Variants in CAMK1D observed in about 807,000 individuals in gnomAD.
CAMK1D encodes calcium/calmodulin dependent protein kinase ID.
A neutral mutation model predicts 47.7 loss-of-function variants in CAMK1D; 9 were observed. The ratio of observed to expected loss-of-function variants is 0.19; its 90% CI spans 0.11 to 0.33. The LOEUF (loss-of-function observed/expected upper bound fraction) is 0.33, where lower values mean the gene tolerates loss of function less well. Among genes scored for constraint, CAMK1D ranks in the 10% least tolerant of loss-of-function variants. The pLI, the probability that CAMK1D is intolerant of heterozygous loss-of-function variation, is 1.00. For synonymous variants in CAMK1D, 184 were observed against 184.9 expected (o/e 0.99, Z 0.04); for missense variants, 291 against 488.7 (o/e 0.60, Z 3.81).
In CAMK1D at chr10:12,624,986, TC is replaced by T. The variant is rs1321886093; in HGVS notation, c.225-41748del. On this transcript the variant is annotated intron_variant, in intron 2 of 10. Transcript: ENST00000619168. ...TTCTCCTTCTCTTCCTCCTTCTCCT[TC>T]CTCCTCTTTCCTCCTCCTCCTCCTC... Among the ~76,000 whole-genome samples the T allele has an allele frequency of 8.9e-5, 11 of 123,466 alleles. No homozygotes were observed. The East Asian group carries it at 2.7e-3, about 30-fold the overall frequency. 81.0% of individuals were successfully genotyped at this position (123,466 alleles called of 152,430 possible).
chr10:12,745,423 A>G (rs956866550), intron 3 of CAMK1D, among the ~76,000 whole-genome samples: 1 of 152,002 alleles, frequency 6.6e-6, no homozygotes, highest in Admixed American at 6.5e-5. Flanking sequence ...ACACACACAC[A>G]CGCTAGAATA....
intron 8 of CAMK1D, among the ~76,000 whole-genome samples, chr10:12,819,168 G>C (rs954176047): frequency 6.6e-6 from 1 of 152,190 alleles, no homozygotes; most frequent in Admixed American, 6.5e-5. Flanking sequence ...CAGTTTTCCC[G>C]AGGAGGCTGG....
At chr10:12,514,484 T>G (rs912354930) in intron 1 of CAMK1D, among the ~76,000 whole-genome samples, 14 of 152,250 alleles carry the variant, frequency 9.2e-5, no homozygotes, top group Non-Finnish European at 1.9e-4. Flanking sequence ...CTAGTGAATT[T>G]AATTAGCAAG....
At chr10:12,362,530 C>T (rs941991931) in intron 1 of CAMK1D, among the ~76,000 whole-genome samples, 1 of 152,164 alleles carries the variant, frequency 6.6e-6, no homozygotes. Flanking sequence ...TGGAGTCTCG[C>T]CCCGTCCCCC....
intron 1 of CAMK1D, among the ~76,000 whole-genome samples, chr10:12,482,915 C>T (rs146990946): frequency 5.3e-5 from 8 of 152,256 alleles, no homozygotes; most frequent in African/African-American, 9.6e-5. Flanking sequence ...TGGTTCAGGA[C>T]GTTTTCAGAT....
chr10:12,692,452 T>A (rs575578030), intron 3 of CAMK1D, among the ~76,000 whole-genome samples: 1 of 152,332 alleles, frequency 6.6e-6, no homozygotes, highest in East Asian at 1.9e-4. Flanking sequence ...TGCTTTTTCA[T>A]ACAAAAAGAT....
intron 1 of CAMK1D, among the ~76,000 whole-genome samples, chr10:12,542,269 T>C (rs1262314496): frequency 6.6e-6 from 1 of 152,196 alleles, no homozygotes; most frequent in Non-Finnish European, 1.5e-5. Context: ...TTTTAATTTA[T>C]GGTCGGAGGC....
intron 6 of CAMK1D, among the ~76,000 whole-genome samples, chr10:12,808,481 C>T (rs531164265): frequency 4.6e-5 from 7 of 152,244 alleles, no homozygotes; most frequent in South Asian, 2.1e-4. Flanking sequence ...ATGTGTATGT[C>T]GGCTGATTAA....
intron 1 of CAMK1D, among the ~76,000 whole-genome samples, chr10:12,476,111 G>T (rs553111827): frequency 6.6e-6 from 1 of 152,010 alleles, no homozygotes; most frequent in Non-Finnish European, 1.5e-5. Flanking sequence ...GACCAACATG[G>T]TGAAACCCCA....
At chr10:12,796,382 T>A (rs1032727286) in intron 6 of CAMK1D, among the ~76,000 whole-genome samples, 2 of 152,206 alleles carry the variant, frequency 1.3e-5, no homozygotes, top group African/African-American at 4.8e-5. Context: ...GCTCACTTTT[T>A]AAAATTTACT....
chr10:12,757,816 T>G lies in CAMK1D; in HGVS notation c.300-3132T>G, dbSNP rs562108904. Among the ~76,000 whole-genome samples the G allele has an allele frequency of 5.3e-5, 8 of 151,064 alleles. No homozygotes were observed. The South Asian group carries it at 1.5e-3, about 28-fold the overall frequency. ...AGAGAGAGTTCTGGTCTCCTTCTTC[T>G]TACAGGGACACTGATCCCAGCATGG... is the stretch of plus-strand genomic sequence containing the variant. On this transcript the variant is annotated intron_variant, in intron 3 of 10. Coordinates refer to ENST00000619168, the MANE Select transcript of CAMK1D (RefSeq NM_153498.4).
intron 2 of CAMK1D, among the ~76,000 whole-genome samples, chr10:12,566,677 C>T (rs1409961): frequency 0.44 from 66,857 of 151,984 alleles, 15,006 homozygotes; most frequent in Middle Eastern, 0.52. Context: ...TTCTGACCTT[C>T]GAATTCAGAA....
At chr10:12,601,184 TG>T (rs376353598) in intron 2 of CAMK1D, among the ~76,000 whole-genome samples, 1,612 of 22,264 alleles carry the variant, frequency 0.072, 32 homozygotes, top group Non-Finnish European at 0.18. Context: ...TTTTTTTTTT[TG>T]TTTGTTTGTT....
intron 3 of CAMK1D, among the ~76,000 whole-genome samples, chr10:12,710,215 C>G (rs984865980): frequency 1.3e-5 from 2 of 152,174 alleles, no homozygotes; most frequent in African/African-American, 4.8e-5. Flanking sequence ...CTTTAATTTT[C>G]CCACTTAGAA....
At chr10:12,636,307 A>C (rs1478702723) in intron 2 of CAMK1D, among the ~76,000 whole-genome samples, 2 of 152,122 alleles carry the variant, frequency 1.3e-5, no homozygotes, top group Non-Finnish European at 2.9e-5. Flanking sequence ...TAATCCTCTA[A>C]GGGGCATATT....
At chr10:12,727,966 A>G (rs879516231) in intron 3 of CAMK1D, among the ~76,000 whole-genome samples, 4 of 152,076 alleles carry the variant, frequency 2.6e-5, no homozygotes. Flanking sequence ...GGATTTCACC[A>G]TGCTGGCCGG....
At chr10:12,449,742 C>T (rs576610790) in intron 1 of CAMK1D, among the ~76,000 whole-genome samples, 57 of 152,254 alleles carry the variant, frequency 3.7e-4, no homozygotes, top group African/African-American at 1.3e-3. Context: ...TGGTGGCCCA[C>T]GCCTATAATC....
chr10:12,407,970 G>C (rs1839505341), intron 1 of CAMK1D, among the ~76,000 whole-genome samples: 1 of 149,102 alleles, frequency 6.7e-6, no homozygotes, highest in African/African-American at 2.5e-5. Flanking sequence ...TGATCCTACT[G>C]CCTCAGCCTC....
intron 6 of CAMK1D, among the ~76,000 whole-genome samples, chr10:12,804,822 C>A: frequency 6.7e-6 from 1 of 149,724 alleles, no homozygotes; most frequent in East Asian, 2.0e-4. Flanking sequence ...CCTGTGGTTC[C>A]CACTACTCAG....
Sources: allele counts gnomAD v4.1 joint callset (sites outside exome capture counted in the v4.1 genomes callset), GRCh38; gene constraint gnomAD v4.1.1; transcripts MANE v1.5; gene names NCBI Gene and HGNC (gene_info 2026-07-23, HGNC 2026-07-21).